MECOM: variants seen among roughly 807,000 people sequenced by gnomAD.
MECOM encodes the protein histone-lysine N-methyltransferase MECOM.
MECOM carries 13 observed loss-of-function variants against 116.3 expected under a neutral mutation model. The ratio of observed to expected loss-of-function variants is 0.11; its 90% confidence interval spans 0.07 to 0.18. The LOEUF (loss-of-function observed/expected upper bound fraction) is 0.18, where lower values mean the gene tolerates loss of function less well. Ranked by LOEUF, MECOM falls within the 10% of genes least tolerant of loss-of-function variation. The pLI is 1.00. For missense variants in MECOM, 1,299 were observed against 1,509.0 expected (o/e 0.86, Z 2.31); for synonymous variants, 528 against 535.2 (o/e 0.99, Z 0.19).
intron 5 of MECOM, among the ~76,000 whole-genome samples, chr3:169,126,381 A>T (rs1732846680): frequency 6.6e-6 from 1 of 152,102 alleles, no homozygotes; most frequent in Non-Finnish European, 1.5e-5. Context: ...TTTATTTCTG[A>T]CACCAGAGAT....
chr3:169,385,795 T>C lies in MECOM; in HGVS notation c.38-4271A>G, dbSNP rs981835037. On this transcript the variant is annotated intron_variant, in intron 1 of 16. Coordinates refer to ENST00000651503, the MANE Select transcript of MECOM (RefSeq NM_004991.4). ...AGATCCTTTCCCTCAGCTATAACTA[T>C]AGTTAATTAAAGCATTTCTCAGATA... Among the ~76,000 whole-genome samples the C allele has an allele frequency of 1.1e-4, 17 of 152,350 alleles. No homozygotes were observed. The East Asian group carries it at 3.1e-3, about 28-fold the overall frequency.
chr3:169,520,960 T>C (rs1287274588), intron 1 of MECOM, among the ~76,000 whole-genome samples: 1 of 152,212 alleles, frequency 6.6e-6, no homozygotes. Flanking sequence ...ACCCAATTTT[T>C]TTGAGTTGCT....
chr3:169,447,145 G>T (rs1343493612), intron 1 of MECOM, among the ~76,000 whole-genome samples: 1 of 152,052 alleles, frequency 6.6e-6, no homozygotes, highest in South Asian at 2.1e-4. Flanking sequence ...AAAAGAAATT[G>T]CTCTGAACCA....
chr3:169,181,938 A>C (rs1468191385), intron 2 of MECOM, among the ~76,000 whole-genome samples: 1 of 152,204 alleles, frequency 6.6e-6, no homozygotes, highest in African/African-American at 2.4e-5. Flanking sequence ...TTATTATGAG[A>C]ATTAAATGAT....
intron 6 of MECOM, 104 bp downstream of exon 6, chr3:169,122,476 T>C: frequency 1.5e-6 from 2 of 1,310,116 alleles, no homozygotes; most frequent in South Asian, 1.4e-5. Flanking sequence ...AAGATATTTA[T>C]AGTTTCCCCT....
At chr3:169,215,122 C>A (rs193123130) in intron 2 of MECOM, among the ~76,000 whole-genome samples, 12 of 150,850 alleles carry the variant, frequency 8.0e-5, no homozygotes, top group Non-Finnish European at 1.3e-4. Context: ...CTATTCCTTG[C>A]ACAATATTCC....
intron 1 of MECOM, among the ~76,000 whole-genome samples, chr3:169,415,074 A>G (rs778769842): frequency 1.3e-5 from 2 of 152,190 alleles, no homozygotes; most frequent in Admixed American, 6.5e-5. Context: ...CCCAAGACAC[A>G]TAGTCATCAG....
chr3:169,263,328 C>T (rs898057933), intron 2 of MECOM, among the ~76,000 whole-genome samples: 11 of 151,202 alleles, frequency 7.3e-5, no homozygotes, highest in African/African-American at 2.2e-4. Context: ...CGGGGTTTCA[C>T]CGTGTTAGCC....
At chr3:169,416,049 C>T (rs1432820957) in intron 1 of MECOM, among the ~76,000 whole-genome samples, 1 of 152,174 alleles carries the variant, frequency 6.6e-6, no homozygotes, top group African/African-American at 2.4e-5. Context: ...CAGAACTCTC[C>T]ACCCCAGATC....
At chr3:169,233,643 C>CT (rs1482170344) in intron 2 of MECOM, among the ~76,000 whole-genome samples, 17 of 152,092 alleles carry the variant, frequency 1.1e-4, no homozygotes, top group Non-Finnish European at 2.9e-5. Flanking sequence ...ACTCGACTGT[C>CT]TTTTTTATTT....
At chr3:169,617,252 C>T (rs1327689205) in intron 1 of MECOM, among the ~76,000 whole-genome samples, 1 of 152,098 alleles carries the variant, frequency 6.6e-6, no homozygotes, top group Non-Finnish European at 1.5e-5. Flanking sequence ...TTATGTATTT[C>T]TATATTTTTA....
intron 1 of MECOM, among the ~76,000 whole-genome samples, chr3:169,502,793 T>A (rs909763488): frequency 6.6e-6 from 1 of 152,158 alleles, no homozygotes; most frequent in African/African-American, 2.4e-5. Context: ...AAGTATGTCA[T>A]AGAACTTTTA....
At chr3:169,492,821 G>T (rs1365654744) in intron 1 of MECOM, among the ~76,000 whole-genome samples, 1 of 152,078 alleles carries the variant, frequency 6.6e-6, no homozygotes, top group Non-Finnish European at 1.5e-5. Context: ...TTAGCCAGGC[G>T]TGGTGGTGAG....
chr3:169,484,553 G>T (rs1751862538), intron 1 of MECOM, among the ~76,000 whole-genome samples: 1 of 152,054 alleles, frequency 6.6e-6, no homozygotes, highest in Admixed American at 6.5e-5. Flanking sequence ...GATTTAAAAT[G>T]CAATTAGCTA....
intron 2 of MECOM, among the ~76,000 whole-genome samples, chr3:169,149,192 A>C (rs1740711120): frequency 6.6e-6 from 1 of 151,648 alleles, no homozygotes; most frequent in African/African-American, 2.4e-5. Context: ...TTGTGTATTA[A>C]ATACAAGTAA....
intron 3 of MECOM, among the ~76,000 whole-genome samples, chr3:169,143,455 C>A (rs922334404): frequency 1.3e-5 from 2 of 151,956 alleles, no homozygotes; most frequent in Admixed American, 6.6e-5. Context: ...TCAGTCACAC[C>A]AAGAAAACTG....
chr3:169,149,443 C>A (rs1421082495), intron 2 of MECOM: 1 of 174,750 alleles, frequency 5.7e-6, no homozygotes, highest in Non-Finnish European at 1.2e-5. Flanking sequence ...GGAGGCGGAG[C>A]GACTTTCAAG....
At position 169,418,110 on chromosome 3, in the gene MECOM, T is replaced by TA. The variant is rs1346991884; in HGVS notation, c.38-36587dup. Among the ~76,000 whole-genome samples the TA allele has an allele frequency of 3.5e-3, 264 of 75,516 alleles. 2 individuals are homozygous for TA. The highest frequency in any genetic ancestry group is 4.4e-3 in the Non-Finnish European group (153 of 34,816). The allele number at this position is 75,516 out of a possible 152,430, so 49.5% of individuals were successfully genotyped here. On this transcript the variant is annotated intron_variant, in intron 1 of 16. Transcript: ENST00000651503. ...TACCCTAAAACTTAAAGTATAATAA[T>TA]AAAAAAAAACTAAACAAAAAAAAAA...
At chr3:169,403,087 G>T (rs1329390903) in intron 1 of MECOM, among the ~76,000 whole-genome samples, 1 of 152,208 alleles carries the variant, frequency 6.6e-6, no homozygotes, top group African/African-American at 2.4e-5. Context: ...CAGTGCATAT[G>T]CAGGAAATCC....
Sources: gnomAD v4.1 joint callset for allele counts (sites outside exome capture counted in the v4.1 genomes callset) on GRCh38, gnomAD v4.1.1 for gene constraint, MANE v1.5 for transcripts, NCBI Gene and HGNC (gene_info 2026-07-23, HGNC 2026-07-21) for gene names.